The following SPOCK1 variants were observed in gnomAD, a reference collection of about 807,000 sequenced individuals.
SPOCK1 encodes testican-1.
SPOCK1 carries 23 observed loss-of-function variants against 55.3 expected under a neutral mutation model. The observed-to-expected ratio is 0.42, with a 90% CI of 0.30 to 0.59. The LOEUF is 0.59. SPOCK1 is among the 20% of genes least tolerant of loss of function. SPOCK1 has a pLI of 0.22. For synonymous variants in SPOCK1, 226 were observed against 221.0 expected (o/e 1.02, Z -0.20); for missense variants, 499 against 552.5 (o/e 0.90, Z 0.97).
chr5:136,986,080 C>G (rs1346853090), intron 8 of SPOCK1, among the ~76,000 whole-genome samples: 1 of 152,148 alleles, frequency 6.6e-6, no homozygotes, highest in East Asian at 1.9e-4. Context: ...ACAATGCTAC[C>G]TGGTCTTGCT....
intron 6 of SPOCK1, among the ~76,000 whole-genome samples, chr5:137,035,684 G>A (rs911152664): frequency 6.6e-6 from 1 of 152,156 alleles, no homozygotes; most frequent in Non-Finnish European, 1.5e-5. Flanking sequence ...TCACAAGAAT[G>A]AATCATAGCC....
At chr5:137,160,533 A>T (rs11750145) in intron 3 of SPOCK1, among the ~76,000 whole-genome samples, 7 of 56,898 alleles carry the variant, frequency 1.2e-4, no homozygotes, top group Admixed American at 5.9e-4. Context: ...AATATATAAA[A>T]ATATATAATA....
chr5:137,230,790 T>C (rs1029558121), intron 3 of SPOCK1, among the ~76,000 whole-genome samples: 2 of 152,194 alleles, frequency 1.3e-5, no homozygotes, highest in East Asian at 1.9e-4. Context: ...TAAGAAATAA[T>C]CCAGAGACAT....
chr5:137,356,505 A>G (rs1750803621), intron 2 of SPOCK1, among the ~76,000 whole-genome samples: 1 of 151,676 alleles, frequency 6.6e-6, no homozygotes, highest in South Asian at 2.1e-4. Flanking sequence ...CCTCCATTTT[A>G]GAGGCAGGGT....
At chr5:137,497,531 C>T (rs575189057) in intron 2 of SPOCK1, among the ~76,000 whole-genome samples, 1 of 152,330 alleles carries the variant, frequency 6.6e-6, no homozygotes, top group South Asian at 2.1e-4. Context: ...GGCAGACGCT[C>T]CCACAGAACA....
intron 2 of SPOCK1, among the ~76,000 whole-genome samples, chr5:137,322,902 C>T (rs1369969260): frequency 6.6e-6 from 1 of 152,110 alleles, no homozygotes; most frequent in Non-Finnish European, 1.5e-5. Flanking sequence ...TAGTAAGGAC[C>T]TTCTTGCTAT....
chr5:137,178,046 G>T (rs901726905), intron 3 of SPOCK1, among the ~76,000 whole-genome samples: 1 of 152,182 alleles, frequency 6.6e-6, no homozygotes, highest in African/African-American at 2.4e-5. Flanking sequence ...CCTGGCAGGT[G>T]AGCAGAGAAA....
intron 2 of SPOCK1, among the ~76,000 whole-genome samples, chr5:137,368,683 C>A (rs1400060500): frequency 1.3e-5 from 2 of 152,180 alleles, no homozygotes; most frequent in Admixed American, 1.3e-4. Context: ...CAGGAAGTGT[C>A]TTGGGCTGGC....
intron 5 of SPOCK1, among the ~76,000 whole-genome samples, chr5:137,078,839 G>T (rs990178389): frequency 2.6e-5 from 4 of 152,088 alleles, no homozygotes; most frequent in Non-Finnish European, 1.5e-5. Context: ...TCTGTAAAAT[G>T]CAAATGTGTT....
At chr5:137,227,394 AC>A (rs1755965623) in intron 3 of SPOCK1, among the ~76,000 whole-genome samples, 1 of 152,250 alleles carries the variant, frequency 6.6e-6, no homozygotes, top group Non-Finnish European at 1.5e-5. Context: ...TTTGCTGCTT[AC>A]AAAAAAGAAA....
intron 2 of SPOCK1, among the ~76,000 whole-genome samples, chr5:137,335,902 A>G (rs1422772839): frequency 6.6e-6 from 1 of 152,202 alleles, no homozygotes; most frequent in Non-Finnish European, 1.5e-5. Context: ...TCTAGAACAC[A>G]GCCTATCTGT....
intron 3 of SPOCK1, among the ~76,000 whole-genome samples, chr5:137,200,862 T>C (rs1011043828): frequency 6.6e-6 from 1 of 152,142 alleles, no homozygotes. Context: ...GAGGTTGGAA[T>C]TGGAACCCAG....
chr5:137,053,124 C>T (rs61671705), intron 6 of SPOCK1, among the ~76,000 whole-genome samples: 17,540 of 152,066 alleles, frequency 0.12, 1,206 homozygotes, highest in East Asian at 0.24. Flanking sequence ...ATTCTAAGCC[C>T]TTTAGCTAAT....
intron 3 of SPOCK1, among the ~76,000 whole-genome samples, chr5:137,226,558 G>A (rs1561477388): frequency 6.6e-6 from 1 of 152,140 alleles, no homozygotes; most frequent in East Asian, 1.9e-4. Context: ...CCTCCTTGAG[G>A]GTTAGATCCA....
At chr5:137,293,456 T>A (rs973236873) in intron 2 of SPOCK1, among the ~76,000 whole-genome samples, 2 of 151,412 alleles carry the variant, frequency 1.3e-5, no homozygotes, top group Non-Finnish European at 1.5e-5. Flanking sequence ...GAGCTTCAAA[T>A]CTCAAACTTT....
chr5:137,217,683 T>A (rs1032399350), intron 3 of SPOCK1, among the ~76,000 whole-genome samples: 12 of 152,210 alleles, frequency 7.9e-5, no homozygotes, highest in African/African-American at 2.4e-4. Context: ...CTTATATTAG[T>A]AAGAACAGCT....
rs1750649574 is a variant in SPOCK1, at chr5:136,977,985, T to C, written c.*669A>G. On this transcript the variant is annotated 3_prime_UTR_variant, in exon 11 of 11. Transcript: ENST00000394945. Reference sequence around the variant, plus strand: ...GTGTGTGCAAGGCACACACATACAGTCTTTCTGTACATGCATGCATATTTA... The same window carrying C: ...GTGTGTGCAAGGCACACACATACAGCCTTTCTGTACATGCATGCATATTTA... 1.8e-5 allele frequency: 7 copies of C among 398,884 alleles called. No homozygotes were observed. In the East Asian group the frequency reaches 2.5e-4, roughly 14 times the overall value. The allele number at this position is 398,884 out of a possible 1,614,324, so 24.7% of individuals were successfully genotyped here.
Position 137,096,012 on chromosome 5 carries a change from C to G in SPOCK1, c.474+16423G>C, listed in dbSNP as rs565404939. Among the ~76,000 whole-genome samples, 4 of 152,250 alleles carry G rather than the reference C, an allele frequency of 2.6e-5. No individual in the cohort carries two copies. The South Asian group carries it at 8.3e-4, about 32-fold the overall frequency. ...GCAGGGGGAAGGAGGGAGCCTCCCT[C>G]ATTGATGGGGTGGGGTCATCAAGGA... is the stretch of plus-strand genomic sequence containing the variant. On this transcript the variant is annotated intron_variant, in intron 5 of 10. Coordinates refer to ENST00000394945, the MANE Select transcript of SPOCK1 (RefSeq NM_004598.4).
Position 137,160,636 on chromosome 5 carries a change from T to TTATATATAATATAC in SPOCK1, c.233-19943_233-19942insGTATATTATATATA, listed in dbSNP as rs1561631871. Among the ~76,000 whole-genome samples the TTATATATAATATAC allele has an allele frequency of 2.3e-4, 21 of 89,968 alleles. 1 individual carries two copies. The highest frequency in any genetic ancestry group is 9.0e-4 in the African/African-American group (21 of 23,336). The allele number at this position is 89,968 out of a possible 152,430, so 59.0% of individuals were successfully genotyped here. On this transcript the variant is annotated intron_variant, in intron 3 of 10. Transcript: ENST00000394945. ...TATAATATATATTTTATATAATATA[T>TTATATATAATATAC]AATATATATTTTATATAATATACAA...
Sources: allele counts gnomAD v4.1 joint callset (sites outside exome capture counted in the v4.1 genomes callset), GRCh38; gene constraint gnomAD v4.1.1; transcripts MANE v1.5; gene names NCBI Gene and HGNC (gene_info 2026-07-23, HGNC 2026-07-21).